The following FTO variants were observed in gnomAD, a reference collection of about 807,000 sequenced individuals.
FTO encodes the protein FTO alpha-ketoglutarate dependent dioxygenase.
A neutral mutation model predicts 63.9 loss-of-function variants in FTO; 47 were observed. The observed-to-expected ratio is 0.74, with a 90% CI of 0.58 to 0.94. The LOEUF is 0.94. Among genes scored for constraint, FTO ranks in the 40% least tolerant of loss-of-function variants. The pLI is 0.00. For synonymous variants in FTO, 207 were observed against 224.4 expected (o/e 0.92, Z 0.69); for missense variants, 562 against 618.1 (o/e 0.91, Z 0.96).
At chr16:53,970,246 T>C (rs2083285395) in intron 8 of FTO, among the ~76,000 whole-genome samples, 1 of 152,028 alleles carries the variant, frequency 6.6e-6, no homozygotes, top group African/African-American at 2.4e-5. Context: ...CTTAATCATA[T>C]GGACTAGGAA....
chr16:53,889,134 C>A (rs9932201), intron 7 of FTO, among the ~76,000 whole-genome samples, 183 bp downstream of exon 7: 4,661 of 152,250 alleles, frequency 0.031, 245 homozygotes, highest in African/African-American at 0.11. Flanking sequence ...GTTCAATAAG[C>A]ATTTATTGAG....
intron 8 of FTO, among the ~76,000 whole-genome samples, chr16:54,111,327 A>G (rs1464956916): frequency 1.3e-5 from 2 of 152,162 alleles, no homozygotes; most frequent in Non-Finnish European, 2.9e-5. Context: ...TGTTTAATCT[A>G]TTCTTGGACG....
At chr16:53,985,817 T>G (rs1300583665) in intron 8 of FTO, among the ~76,000 whole-genome samples, 1 of 152,200 alleles carries the variant, frequency 6.6e-6, no homozygotes, top group Non-Finnish European at 1.5e-5. Flanking sequence ...ATTTTTAAAG[T>G]CAGATATGTT....
At chr16:54,007,137 C>T (rs1029090833) in intron 8 of FTO, among the ~76,000 whole-genome samples, 2 of 151,978 alleles carry the variant, frequency 1.3e-5, no homozygotes, top group East Asian at 1.9e-4. Context: ...TTGGGGGATA[C>T]GAGGTGTACA....
chr16:53,792,075 C>CAAAAAAA (rs10606857), intron 1 of FTO, among the ~76,000 whole-genome samples: 2 of 138,590 alleles, frequency 1.4e-5, no homozygotes, highest in East Asian at 2.1e-4. Flanking sequence ...GACTTCGTCT[C>CAAAAAAA]AAAAAAAAAA....
chr16:54,000,758 A>G (rs1349276415), intron 8 of FTO, among the ~76,000 whole-genome samples: 2 of 152,248 alleles, frequency 1.3e-5, no homozygotes, highest in African/African-American at 4.8e-5. Flanking sequence ...AAAGCACGGT[A>G]ATAATCACCC....
At position 53,984,321 on chromosome 16, in the gene FTO, C is replaced by CCTTTTTT. The variant is rs1555500067; in HGVS notation, c.1364+50212_1364+50213insCTTTTTT. Among the ~76,000 whole-genome samples, 34 of 67,314 alleles carry CCTTTTTT rather than the reference C, an allele frequency of 5.1e-4. 5 individuals carry two copies. Among genetic ancestry groups the CCTTTTTT allele is most frequent in the African/African-American group, 1.7e-3 (31 of 17,976 alleles). The allele number at this position is 67,314 out of a possible 152,430, so 44.2% of individuals were successfully genotyped here. A position where few individuals can be genotyped will look rare whatever the true frequency, so the allele number is the denominator to read the frequency against. On this transcript the variant is annotated intron_variant, in intron 8 of 8. Coordinates refer to ENST00000471389, the MANE Select transcript of FTO (RefSeq NM_001080432.3). ...CCTCTATCCCTCCCTTGGAATGGGT[C>CCTTTTTT]TTTTTTTTTTTTTTTTTTTTTTTTT...
intron 3 of FTO, among the ~76,000 whole-genome samples, chr16:53,836,501 T>C (rs1329973761): frequency 1.3e-5 from 2 of 152,208 alleles, no homozygotes; most frequent in African/African-American, 4.8e-5. Context: ...TTGCCCCAAA[T>C]CTGTTAAGTA....
chr16:54,106,846 A>G (rs1311752836), intron 8 of FTO, among the ~76,000 whole-genome samples: 2 of 137,284 alleles, frequency 1.5e-5, no homozygotes, highest in Admixed American at 7.6e-5. Context: ...GTATATCATT[A>G]TATATAATAA....
intron 8 of FTO, among the ~76,000 whole-genome samples, chr16:53,966,186 A>G (rs936587862): frequency 3.3e-4 from 50 of 152,160 alleles, no homozygotes; most frequent in Admixed American, 3.0e-3. Flanking sequence ...AAACTTAATG[A>G]GGATGTATAT....
At chr16:53,743,398 T>C (rs1291208061) in intron 1 of FTO, among the ~76,000 whole-genome samples, 1 of 151,854 alleles carries the variant, frequency 6.6e-6, no homozygotes, top group East Asian at 1.9e-4. Flanking sequence ...GAATGGGACA[T>C]GCACTCTGAT....
At chr16:53,860,318 G>T (rs1019905564) in intron 4 of FTO, among the ~76,000 whole-genome samples, 30 of 152,202 alleles carry the variant, frequency 2.0e-4, no homozygotes, top group Non-Finnish European at 3.5e-4. Flanking sequence ...GGGTTTGAGG[G>T]ATGTTGGGTA....
At chr16:54,080,282 T>A (rs2086111030) in intron 8 of FTO, among the ~76,000 whole-genome samples, 1 of 152,132 alleles carries the variant, frequency 6.6e-6, no homozygotes, top group African/African-American at 2.4e-5. Flanking sequence ...AGAATGGCTA[T>A]CACAACAGTC....
intron 1 of FTO, among the ~76,000 whole-genome samples, chr16:53,773,852 A>G (rs17817288): frequency 0.46 from 70,407 of 151,980 alleles, 16,633 homozygotes; most frequent in East Asian, 0.6. Flanking sequence ...AAATAAATGA[A>G]TAGCTGCTGG....
intron 2 of FTO, among the ~76,000 whole-genome samples, chr16:53,823,851 C>T (rs898468952): frequency 3.3e-5 from 5 of 152,102 alleles, no homozygotes; most frequent in African/African-American, 1.2e-4. Flanking sequence ...TGCCATTGCA[C>T]TCTAGCCTGG....
At chr16:54,085,355 C>A (rs770370118) in intron 8 of FTO, among the ~76,000 whole-genome samples, 2 of 152,196 alleles carry the variant, frequency 1.3e-5, no homozygotes, top group South Asian at 2.1e-4. Flanking sequence ...TGGAAAAACA[C>A]TTTGTCTTCT....
intron 8 of FTO, among the ~76,000 whole-genome samples, chr16:54,026,238 G>T (rs571064921): frequency 6.6e-6 from 1 of 152,238 alleles, no homozygotes; most frequent in South Asian, 2.1e-4. Context: ...TGGCCCCTTT[G>T]GTCTTGAGGT....
Position 54,115,030 on chromosome 16 carries a change from C to G in FTO, c.*3115C>G, listed in dbSNP as rs2086965091. ...CTGGTGCGGGCAATGACAATGAACT[C>G]GTATCCTGCAGGGTCAAAGGAAGGC... On this transcript the variant is annotated 3_prime_UTR_variant, in exon 9 of 9. Coordinates refer to ENST00000471389, the MANE Select transcript of FTO (RefSeq NM_001080432.3). 3 of 152,254 alleles carry G rather than the reference C, an allele frequency of 2.0e-5. No individual in the cohort carries two copies. Among genetic ancestry groups the G allele is most frequent in the Admixed American group, 6.5e-5 (1 of 15,288 alleles). 9.4% of individuals were successfully genotyped at this position (152,254 alleles called of 1,614,324 possible).
At chr16:53,799,380 A>C (rs1461078597) in intron 1 of FTO, among the ~76,000 whole-genome samples, 1 of 152,150 alleles carries the variant, frequency 6.6e-6, no homozygotes, top group East Asian at 1.9e-4. Flanking sequence ...ATCTATGTCT[A>C]CTAAAAAGGG....
Sources: allele counts gnomAD v4.1 joint callset (sites outside exome capture counted in the v4.1 genomes callset), GRCh38; gene constraint gnomAD v4.1.1; transcripts MANE v1.5; gene names NCBI Gene and HGNC (gene_info 2026-07-23, HGNC 2026-07-21).